The following NRG3 variants were observed in gnomAD, a reference collection of about 807,000 sequenced individuals.
The protein encoded by NRG3 is pro-neuregulin-3, membrane-bound isoform.
A neutral mutation model predicts 66.9 loss-of-function variants in NRG3; 31 were observed. The ratio of observed to expected loss-of-function variants is 0.46; its 90% CI spans 0.35 to 0.63. The LOEUF (loss-of-function observed/expected upper bound fraction) is 0.63. NRG3 is among the 20% of genes least tolerant of loss of function. The pLI is 0.00. For missense variants in NRG3, 910 were observed against 878.9 expected (o/e 1.04, Z -0.45); for synonymous variants, 393 against 359.4 (o/e 1.09, Z -1.06).
chr10:82,670,152 CA>C (rs2053151406), intron 2 of NRG3, among the ~76,000 whole-genome samples: 1 of 152,104 alleles, frequency 6.6e-6, no homozygotes, highest in Non-Finnish European at 1.5e-5. Flanking sequence ...TGCCTTCTTT[CA>C]CCCTACTCTC....
chr10:82,684,476 C>A (rs1248516579), intron 2 of NRG3, among the ~76,000 whole-genome samples: 1 of 152,036 alleles, frequency 6.6e-6, no homozygotes, highest in Non-Finnish European at 1.5e-5. Context: ...CCATTGAAAA[C>A]CAAATTTCAA....
At chr10:82,559,416 G>T (rs2044874513) in intron 2 of NRG3, among the ~76,000 whole-genome samples, 1 of 152,164 alleles carries the variant, frequency 6.6e-6, no homozygotes. Context: ...TAAGCCGAGG[G>T]GGATTCATTG....
Position 82,763,244 on chromosome 10 carries a change from G to A in NRG3, c.1027+24594G>A, listed in dbSNP as rs143168856. On this transcript the variant is annotated intron_variant, in intron 3 of 8. Transcript: ENST00000372141. ...GTTTTGTAATAATCACTCAGCATGA[G>A]GATGTCAATTAATAAATATGTGAAA... is the stretch of plus-strand genomic sequence containing the variant. Among the ~76,000 whole-genome samples the A allele has an allele frequency of 4.7e-3, 719 of 152,204 alleles. 5 individuals are homozygous for A. The highest frequency in any genetic ancestry group is 0.014 in the Middle Eastern group (4 of 292).
chr10:82,109,903 G>C (rs551128606), intron 1 of NRG3, among the ~76,000 whole-genome samples: 2 of 152,196 alleles, frequency 1.3e-5, no homozygotes, highest in South Asian at 4.1e-4. Flanking sequence ...CTTGTGACCT[G>C]GCTGTCTGAT....
intron 3 of NRG3, among the ~76,000 whole-genome samples, chr10:82,755,490 G>A (rs1030681729): frequency 6.6e-6 from 1 of 151,988 alleles, no homozygotes; most frequent in Non-Finnish European, 1.5e-5. Context: ...CATTTTTCAG[G>A]CTAGATGCTG....
intron 2 of NRG3, among the ~76,000 whole-genome samples, chr10:82,726,702 G>C (rs1038126718): frequency 2.6e-5 from 4 of 152,044 alleles, no homozygotes; most frequent in South Asian, 2.1e-4. Flanking sequence ...CAGTAGAGCG[G>C]GACCCTGCTG....
chr10:82,580,901 TTGTGTGTGTGTGTG>T (rs56906298), intron 2 of NRG3, among the ~76,000 whole-genome samples: 6 of 147,312 alleles, frequency 4.1e-5, no homozygotes, highest in South Asian at 2.2e-4. Context: ...GTTTGTAAGT[TTGTGTGTGTGTGTG>T]TGTGTGTGTG....
At chr10:82,717,411 T>C (rs1444717648) in intron 2 of NRG3, among the ~76,000 whole-genome samples, 1 of 64,462 alleles carries the variant, frequency 1.6e-5, no homozygotes, top group African/African-American at 4.4e-5. Context: ...TTTTTTTTTT[T>C]TTTTTTGAGA....
At chr10:82,482,247 G>C (rs1038297606) in intron 2 of NRG3, among the ~76,000 whole-genome samples, 1 of 152,022 alleles carries the variant, frequency 6.6e-6, no homozygotes, top group African/African-American at 2.4e-5. Context: ...TAGTTATCAT[G>C]TTGTCTTTAT....
chr10:82,323,362 G>A (rs1564795343), intron 1 of NRG3, among the ~76,000 whole-genome samples: 1 of 152,184 alleles, frequency 6.6e-6, no homozygotes, highest in Non-Finnish European at 1.5e-5. Flanking sequence ...CAGCCAGGGT[G>A]GGGCTTAGTC....
At chr10:82,182,814 G>A (rs1011536521) in intron 1 of NRG3, among the ~76,000 whole-genome samples, 2 of 151,860 alleles carry the variant, frequency 1.3e-5, no homozygotes, top group African/African-American at 2.4e-5. Context: ...TGTAGGGCAG[G>A]TCTAGTGGAG....
At chr10:82,856,600 C>G (rs1420193520) in intron 3 of NRG3, among the ~76,000 whole-genome samples, 1 of 151,766 alleles carries the variant, frequency 6.6e-6, no homozygotes, top group Non-Finnish European at 1.5e-5. Context: ...CAAAAATTAG[C>G]TGGGCATGGT....
intron 4 of NRG3, among the ~76,000 whole-genome samples, chr10:82,890,943 G>T (rs1193771781): frequency 3.3e-5 from 5 of 151,994 alleles, no homozygotes; most frequent in Admixed American, 1.3e-4. Context: ...TGAAGTATCT[G>T]TTAGGTTTCT....
At chr10:82,406,909 C>T (rs1173967211) in intron 2 of NRG3, among the ~76,000 whole-genome samples, 3 of 151,950 alleles carry the variant, frequency 2.0e-5, no homozygotes, top group Admixed American at 6.6e-5. Flanking sequence ...CTTTCATTTC[C>T]AGACTTCCAG....
At chr10:82,737,311 A>C (rs2058200555) in intron 2 of NRG3, among the ~76,000 whole-genome samples, 1 of 152,148 alleles carries the variant, frequency 6.6e-6, no homozygotes, top group Non-Finnish European at 1.5e-5. Context: ...CTGAATTCCA[A>C]TTTGGCTCAC....
At chr10:82,841,779 G>A (rs342380) in intron 3 of NRG3, among the ~76,000 whole-genome samples, 27,922 of 152,054 alleles carry the variant, frequency 0.18, 2,963 homozygotes, top group African/African-American at 0.31. Flanking sequence ...AAATAACTGG[G>A]TACTATAGCC....
intron 3 of NRG3, among the ~76,000 whole-genome samples, chr10:82,827,416 G>A (rs1334756872): frequency 1.3e-5 from 2 of 152,052 alleles, no homozygotes; most frequent in Non-Finnish European, 2.9e-5. Context: ...CTCCTAGGAA[G>A]GCTGATGAGC....
chr10:82,255,398 A>G (rs920753785), intron 1 of NRG3, among the ~76,000 whole-genome samples: 1 of 152,182 alleles, frequency 6.6e-6, no homozygotes, highest in African/African-American at 2.4e-5. Flanking sequence ...GGAAGTCTGA[A>G]TAGACTGTGG....
chr10:82,422,436 T>C (rs973960984), intron 2 of NRG3, among the ~76,000 whole-genome samples: 7 of 152,080 alleles, frequency 4.6e-5, no homozygotes, highest in African/African-American at 1.7e-4. Flanking sequence ...AAGCCCCTGT[T>C]AATTTTTCTC....
Sources: gnomAD v4.1 joint callset for allele counts (sites outside exome capture counted in the v4.1 genomes callset) on GRCh38, gnomAD v4.1.1 for gene constraint, MANE v1.5 for transcripts, NCBI Gene and HGNC (gene_info 2026-07-23, HGNC 2026-07-21) for gene names.